NAALADL2: variants seen among roughly 807,000 people sequenced by gnomAD.
The protein encoded by NAALADL2 is inactive N-acetylated-alpha-linked acidic dipeptidase-like protein 2.
A neutral mutation model predicts 87.2 loss-of-function variants in NAALADL2; 76 were observed. The ratio of observed to expected loss-of-function variants is 0.87; its 90% CI spans 0.72 to 1.05. The LOEUF is 1.05. Among genes scored for constraint, NAALADL2 ranks in the 50% least tolerant of loss-of-function variants. The probability of loss-of-function intolerance (pLI) is 0.00; values close to 1 mark genes in which losing one functional copy is unlikely to be tolerated. For missense variants in NAALADL2, 1,089 were observed against 945.8 expected (o/e 1.15, Z -1.99); for synonymous variants, 354 against 331.0 (o/e 1.07, Z -0.75).
chr3:175,087,330 T>TG (rs1270626031), intron 1 of NAALADL2, among the ~76,000 whole-genome samples: 2 of 152,026 alleles, frequency 1.3e-5, no homozygotes, highest in Admixed American at 1.3e-4. Context: ...GGAAGGAGGT[T>TG]GGGGGCGCCT....
At chr3:175,741,435 A>AT (rs1411877706) in intron 12 of NAALADL2, among the ~76,000 whole-genome samples, 1 of 152,106 alleles carries the variant, frequency 6.6e-6, no homozygotes, top group African/African-American at 2.4e-5. Flanking sequence ...TTAAACATGA[A>AT]TTTTGGGGGA....
At chr3:175,121,883 A>G (rs1298069329) in intron 2 of NAALADL2, among the ~76,000 whole-genome samples, 1 of 151,826 alleles carries the variant, frequency 6.6e-6, no homozygotes, top group Admixed American at 6.6e-5. Flanking sequence ...ATTTTATATA[A>G]AAGACAGGAC....
At chr3:175,087,211 T>C (rs1202889931) in intron 1 of NAALADL2, among the ~76,000 whole-genome samples, 3 of 152,206 alleles carry the variant, frequency 2.0e-5, no homozygotes, top group Non-Finnish European at 4.4e-5. Flanking sequence ...AGTTGAAAAG[T>C]AGTTTAATCT....
In NAALADL2 at chr3:175,349,574, C is replaced by CT. The variant is rs200101181; in HGVS notation, c.1090+25257dup. Reference sequence around the variant, plus strand: ...GGAGTTTTCCTTTTTAAATATGACTCTTTTTTTTAAGAAAACAGACCCTTG... The same window carrying CT: ...GGAGTTTTCCTTTTTAAATATGACTCTTTTTTTTTAAGAAAACAGACCCTTG... On this transcript the variant is annotated intron_variant, in intron 5 of 13. Transcript: ENST00000454872. 2.6e-3 allele frequency among the ~76,000 whole-genome samples: 393 copies of CT among 152,052 alleles called. 1 individual carries two copies. Among genetic ancestry groups the CT allele is most frequent in the African/African-American group, 8.5e-3 (353 of 41,490 alleles).
At chr3:174,782,715 A>G (rs575238417) in intron 3 of NAALADL2, among the ~76,000 whole-genome samples, 1 of 152,146 alleles carries the variant, frequency 6.6e-6, no homozygotes, top group South Asian at 2.1e-4. Flanking sequence ...AAGGGGAAGA[A>G]AACAGGTCCT....
At chr3:175,619,477 A>AG in intron 10 of NAALADL2, among the ~76,000 whole-genome samples, 1 of 151,506 alleles carries the variant, frequency 6.6e-6, no homozygotes, top group Non-Finnish European at 1.5e-5. Flanking sequence ...GTGGGAAAAA[A>AG]AAAAAAAACA....
At chr3:174,842,209 G>A (rs374781727) in intron 3 of NAALADL2, among the ~76,000 whole-genome samples, 17 of 151,852 alleles carry the variant, frequency 1.1e-4, no homozygotes, top group African/African-American at 3.9e-4. Context: ...GCACCACCAC[G>A]CCTGGCTAAT....
intron 1 of NAALADL2, among the ~76,000 whole-genome samples, chr3:174,469,080 CATT>C (rs370559267): frequency 1.2e-4 from 18 of 151,886 alleles, no homozygotes; most frequent in African/African-American, 3.4e-4. Context: ...ATTCTGTGAC[CATT>C]ATTTAAATAA....
chr3:174,574,916 C>T (rs1453330646), intron 2 of NAALADL2, among the ~76,000 whole-genome samples: 1 of 151,992 alleles, frequency 6.6e-6, no homozygotes, highest in African/African-American at 2.4e-5. Flanking sequence ...CCATTCTTCT[C>T]TTGATAAATA....
chr3:175,540,279 T>A (rs932664714), intron 9 of NAALADL2, among the ~76,000 whole-genome samples: 1 of 152,092 alleles, frequency 6.6e-6, no homozygotes, highest in Admixed American at 6.6e-5. Flanking sequence ...GAGATTTGAA[T>A]GAGGTGATCC....
At chr3:174,998,784 G>T (rs1747863354) in intron 1 of NAALADL2, among the ~76,000 whole-genome samples, 1 of 152,020 alleles carries the variant, frequency 6.6e-6, no homozygotes, top group Admixed American at 6.6e-5. Flanking sequence ...AGAATGATTT[G>T]CTCCATTCCA....
At chr3:174,732,807 T>C (rs1732830422) in intron 2 of NAALADL2, among the ~76,000 whole-genome samples, 1 of 152,172 alleles carries the variant, frequency 6.6e-6, no homozygotes, top group Admixed American at 6.5e-5. Context: ...CATTAAAAAA[T>C]GGCTATTAAT....
chr3:175,502,890 G>A (rs1021613079), intron 9 of NAALADL2, among the ~76,000 whole-genome samples: 1 of 150,564 alleles, frequency 6.6e-6, no homozygotes, highest in Non-Finnish European at 1.5e-5. Flanking sequence ...TTTAGTTTTT[G>A]TAAGAAGACA....
chr3:175,631,023 T>C (rs1210504029), intron 11 of NAALADL2, among the ~76,000 whole-genome samples: 1 of 151,488 alleles, frequency 6.6e-6, no homozygotes, highest in Non-Finnish European at 1.5e-5. Flanking sequence ...CCCAATCACA[T>C]ATTTTATATT....
chr3:175,783,189 G>T (rs1046234108), intron 13 of NAALADL2, among the ~76,000 whole-genome samples: 4 of 152,116 alleles, frequency 2.6e-5, no homozygotes, highest in Non-Finnish European at 5.9e-5. Flanking sequence ...GGTGATGCAG[G>T]CTCTTTTTTG....
intron 2 of NAALADL2, among the ~76,000 whole-genome samples, chr3:174,663,943 A>G (rs1207249102): frequency 6.6e-6 from 1 of 151,976 alleles, no homozygotes; most frequent in Non-Finnish European, 1.5e-5. Context: ...ATGTGCCACC[A>G]TGCCCAGCTA....
At chr3:175,468,834 T>C (rs1304385322) in intron 8 of NAALADL2, among the ~76,000 whole-genome samples, 1 of 152,062 alleles carries the variant, frequency 6.6e-6, no homozygotes, top group Non-Finnish European at 1.5e-5. Flanking sequence ...CAATGTGGGC[T>C]TGCATGTGTG....
chr3:175,529,923 A>G (rs184500305), intron 9 of NAALADL2, among the ~76,000 whole-genome samples: 733 of 152,324 alleles, frequency 4.8e-3, no homozygotes, highest in South Asian at 0.017. Context: ...GAGGTCCAAT[A>G]TAATCAACCT....
At chr3:175,224,217 G>A (rs933483061) in intron 2 of NAALADL2, among the ~76,000 whole-genome samples, 2 of 152,126 alleles carry the variant, frequency 1.3e-5, no homozygotes, top group African/African-American at 2.4e-5. Context: ...GCTGCCCGGA[G>A]GATATTGATT....
Sources: allele counts gnomAD v4.1 joint callset (sites outside exome capture counted in the v4.1 genomes callset), GRCh38; gene constraint gnomAD v4.1.1; transcripts MANE v1.5; gene names NCBI Gene and HGNC (gene_info 2026-07-23, HGNC 2026-07-21).